Variants in CYP4F22 observed in about 807,000 individuals in gnomAD.
CYP4F22 encodes ultra-long-chain fatty acid omega-hydroxylase.
CYP4F22 carries 37 observed loss-of-function variants against 60.4 expected under a neutral mutation model. That is an observed-to-expected ratio of 0.61 (90% CI 0.47 to 0.81). CYP4F22 has a LOEUF of 0.81. CYP4F22 is among the 30% of genes least tolerant of loss of function. CYP4F22 has a pLI of 0.00. For missense variants in CYP4F22, 655 were observed against 715.0 expected (o/e 0.92, Z 0.96); for synonymous variants, 258 against 280.5 (o/e 0.92, Z 0.80).
intron 11 of CYP4F22, 118 bp from the exon 12 acceptor site, chr19:15,549,020 A>C: frequency 1.9e-6 from 2 of 1,077,742 alleles, no homozygotes; most frequent in Non-Finnish European, 2.8e-6. Context: ...GGATGGACAG[A>C]AGGTGGTGGC....
chr19:15,537,661 A>C lies in CYP4F22; in HGVS notation c.548A>C (p.His183Pro), dbSNP rs1971413548. The change falls in exon 6 of 14, where the codon CAT becomes CCT. Residue 183 changes from histidine (H) to proline (P), a missense_variant and splice_region_variant. By Grantham distance (77) the His-to-Pro change is moderately conservative (BLOSUM62 -2). This residue lies in a region of CYP4F22 where 430 missense variants were observed against 457.1 expected (regional missense o/e 0.94). Transcript: ENST00000269703. ...KIFNQSADIM[H>P]AKWRHLAEGS... is the part of the protein sequence containing the mutation. The stretch of plus-strand genomic sequence containing the variant: ...TTCAACCAGAGCGCTGACATTATGC[A>C]TGTGAGTCCTAAGGCTTTGAGGGAA... The C allele has an allele frequency of 6.2e-7, 1 of 1,612,484 alleles. No homozygotes were observed. Among genetic ancestry groups the C allele is most frequent in the Non-Finnish European group, 8.5e-7 (1 of 1,180,028 alleles).
intron 8 of CYP4F22, among the ~76,000 whole-genome samples, chr19:15,542,195 A>T (rs1392556827): frequency 1.3e-5 from 2 of 151,970 alleles, no homozygotes; most frequent in Admixed American, 1.3e-4. Flanking sequence ...CCCTCTTTAC[A>T]TCTTTCTTTT....
chr19:15,513,759 T>A (rs1224130819), intron 1 of CYP4F22, among the ~76,000 whole-genome samples: 3 of 152,178 alleles, frequency 2.0e-5, no homozygotes, highest in Admixed American at 6.6e-5. Flanking sequence ...CCCCTCGGTC[T>A]CCCAAAGTGC....
intron 3 of CYP4F22, among the ~76,000 whole-genome samples, chr19:15,528,423 G>T (rs1228487439): frequency 1.3e-5 from 2 of 152,098 alleles, no homozygotes; most frequent in Non-Finnish European, 2.9e-5. Flanking sequence ...GATGGGCATT[G>T]GTGTATAAAT....
chr19:15,516,730 G>T, intron 1 of CYP4F22: 1 of 573,910 alleles, frequency 1.7e-6, no homozygotes, highest in East Asian at 4.4e-5. Flanking sequence ...TTTTGGGGAA[G>T]TCTTTGTATT....
intron 1 of CYP4F22, among the ~76,000 whole-genome samples, chr19:15,513,599 C>T (rs538586755): frequency 1.3e-5 from 2 of 152,002 alleles, no homozygotes; most frequent in South Asian, 4.1e-4. Context: ...CTCCTGACCT[C>T]GTGATCTGCC....
chr19:15,509,906 T>TTCCTTCCTTCCTTTCCTTCC (rs1568350838), intron 1 of CYP4F22, among the ~76,000 whole-genome samples: 8 of 97,270 alleles, frequency 8.2e-5, no homozygotes, highest in Non-Finnish European at 1.5e-4. Flanking sequence ...CCTTCCTTCC[T>TTCCTTCCTTCCTTTCCTTCC]TTCTTTCTTT....
intron 1 of CYP4F22, among the ~76,000 whole-genome samples, chr19:15,514,439 G>A (rs928085710): frequency 4.6e-5 from 7 of 152,206 alleles, no homozygotes; most frequent in Admixed American, 4.6e-4. Flanking sequence ...AGTAATCCCA[G>A]CACTTTGGGA....
At chr19:15,537,462 G>A (rs749604934) in intron 5 of CYP4F22, 48 bp downstream of exon 5, 1 of 1,614,158 alleles carries the variant, frequency 6.2e-7, no homozygotes, top group South Asian at 1.1e-5. Flanking sequence ...GAGAAGAGAG[G>A]GAAGAGCATG....
intron 8 of CYP4F22, among the ~76,000 whole-genome samples, chr19:15,541,335 C>G (rs557243953): frequency 6.6e-6 from 1 of 152,166 alleles, no homozygotes; most frequent in Non-Finnish European, 1.5e-5. Flanking sequence ...GGCCTTGCTC[C>G]CTGGCTTGCA....
At chr19:15,550,334 AAAAC>A (rs1260786704) in intron 12 of CYP4F22, among the ~76,000 whole-genome samples, 1 of 152,220 alleles carries the variant, frequency 6.6e-6, no homozygotes, top group East Asian at 1.9e-4. Context: ...AAAAAAAAGA[AAAAC>A]AGGTGGAGGG....
Position 15,540,557 on chromosome 19 carries a change from A to T in CYP4F22, c.779A>T (p.Asp260Val). 1.2e-6 allele frequency: 2 copies of T among 1,614,166 alleles called. No homozygotes were observed. Among genetic ancestry groups the T allele is most frequent in the Non-Finnish European group, 1.7e-6 (2 of 1,180,048 alleles). Residue 260 changes from aspartate (D) to valine (V), a missense_variant, in exon 8 of 14, where the codon GAT (aspartate) becomes GTT (valine). Asp to Val is a radical substitution (Grantham distance 152). This residue lies in a region of CYP4F22 where 430 missense variants were observed against 457.1 expected (regional missense o/e 0.94). Transcript: ENST00000269703. ...YLDFIYYRSADGRRFRQACDM... is the reference protein window; with the variant it reads ...YLDFIYYRSAVGRRFRQACDM... ...GACTTCATTTACTACCGCTCGGCGGATGGGCGGAGGTTCCGGCAGGCCTGT... is the reference window on the plus strand; with the variant it reads ...GACTTCATTTACTACCGCTCGGCGGTTGGGCGGAGGTTCCGGCAGGCCTGT...
chr19:15,551,595 C>G lies in CYP4F22; in HGVS notation c.*124C>G, dbSNP rs1369525839. The G allele has an allele frequency of 4.9e-6, 6 of 1,217,538 alleles. No individual in the cohort carries two copies. The highest frequency in any genetic ancestry group is 6.8e-6 in the Non-Finnish European group (6 of 882,850). The allele number at this position is 1,217,538 out of a possible 1,614,324, so 75.4% of individuals were successfully genotyped here. Reference sequence around the variant, plus strand: ...AAGTTCAGGTTCAGCTCCTGGATGACCAGGCACCGCTGTTGAGCAGCCTGG... The same window carrying G: ...AAGTTCAGGTTCAGCTCCTGGATGAGCAGGCACCGCTGTTGAGCAGCCTGG... On this transcript the variant is annotated 3_prime_UTR_variant, in exon 14 of 14. Coordinates refer to ENST00000269703, the MANE Select transcript of CYP4F22 (RefSeq NM_173483.4).
At chr19:15,534,705 G>A (rs1971377642) in intron 4 of CYP4F22, among the ~76,000 whole-genome samples, 2 of 152,086 alleles carry the variant, frequency 1.3e-5, no homozygotes, top group Non-Finnish European at 2.9e-5. Context: ...GAGTGGAAAA[G>A]GAACCTGAGG....
At chr19:15,551,137 C>G (rs1161905553) in intron 13 of CYP4F22, among the ~76,000 whole-genome samples, 157 bp from the exon 14 acceptor site, 1 of 152,192 alleles carries the variant, frequency 6.6e-6, no homozygotes, top group Non-Finnish European at 1.5e-5. Context: ...ATTGAGCGAT[C>G]CGTGGGGTCT....
chr19:15,525,194 A>G, intron 2 of CYP4F22, 142 bp from the exon 3 acceptor site: 2 of 799,584 alleles, frequency 2.5e-6, no homozygotes, highest in Non-Finnish European at 4.1e-6. Flanking sequence ...GTTGGAGATC[A>G]TGGCTGGGGG....
intron 1 of CYP4F22, among the ~76,000 whole-genome samples, chr19:15,520,891 C>T (rs1027073926): frequency 6.6e-6 from 1 of 152,042 alleles, no homozygotes; most frequent in African/African-American, 2.4e-5. Context: ...CCTCAGCCTC[C>T]TGAGTAGCTG....
At chr19:15,533,845 G>A (rs886507053) in intron 4 of CYP4F22, among the ~76,000 whole-genome samples, 1 of 151,912 alleles carries the variant, frequency 6.6e-6, no homozygotes, top group African/African-American at 2.4e-5. Flanking sequence ...TCATTTCACT[G>A]TATGGATTTT....
Position 15,544,686 on chromosome 19 carries a change from G to A in CYP4F22, c.1136+407G>A, listed in dbSNP as rs1409844252. ...GATCTGCTTCATATACTCCCTTTCTGTTCTCTTTGGACCAGAGGCTACCCT... is the reference window on the plus strand; with the variant it reads ...GATCTGCTTCATATACTCCCTTTCTATTCTCTTTGGACCAGAGGCTACCCT... On this transcript the variant is annotated intron_variant, in intron 10 of 13. Coordinates refer to ENST00000269703, the MANE Select transcript of CYP4F22 (RefSeq NM_173483.4). Among the ~76,000 whole-genome samples the A allele has an allele frequency of 3.3e-5, 5 of 152,264 alleles. No individual in the cohort carries two copies. The South Asian group carries it at 6.2e-4, about 19-fold the overall frequency.
Sources: gnomAD v4.1 joint callset for allele counts (sites outside exome capture counted in the v4.1 genomes callset) on GRCh38, gnomAD v4.1.1 for gene constraint, gnomAD v4.1.1 regional missense constraint, MANE v1.5 for transcripts, NCBI Gene and HGNC (gene_info 2026-07-23, HGNC 2026-07-21) for gene names.